CMIP: variants seen among roughly 807,000 people sequenced by gnomAD.
CMIP encodes the protein c-Maf inducing protein.
A neutral mutation model predicts 97.3 loss-of-function variants in CMIP; 13 were observed. That is an observed-to-expected ratio of 0.13 (90% CI 0.09 to 0.21). The LOEUF (loss-of-function observed/expected upper bound fraction) is 0.21. CMIP is among the 10% of genes least tolerant of loss of function. The probability of loss-of-function intolerance (pLI) is 1.00; values close to 1 mark genes in which losing one functional copy is unlikely to be tolerated. For missense variants in CMIP, 847 were observed against 1,024.9 expected, an observed-to-expected ratio of 0.83 and a Z score of 2.37; for synonymous variants, 538 against 436.3, an observed-to-expected ratio of 1.23 and a Z score of -2.91.
intron 3 of CMIP, among the ~76,000 whole-genome samples, chr16:81,629,045 A>G (rs2092115016): frequency 7.0e-6 from 1 of 143,006 alleles, no homozygotes. Flanking sequence ...CTGAAGCATG[A>G]GAATCGCTTG....
intron 1 of CMIP, among the ~76,000 whole-genome samples, chr16:81,510,074 C>A (rs927552052): frequency 4.6e-5 from 7 of 152,286 alleles, no homozygotes; most frequent in African/African-American, 1.4e-4. Context: ...TTTAATGGGG[C>A]GTTTGGCAAA....
chr16:81,664,146 GTGT>G, intron 6 of CMIP, 120 bp from the exon 7 acceptor site: 4 of 777,748 alleles, frequency 5.1e-6, no homozygotes, highest in Non-Finnish European at 8.1e-6. Context: ...CAGTGCAGCC[GTGT>G]TCATCAAGGG....
intron 1 of CMIP, among the ~76,000 whole-genome samples, chr16:81,568,725 G>A (rs2091029141): frequency 6.6e-6 from 1 of 152,206 alleles, no homozygotes; most frequent in African/African-American, 2.4e-5. Context: ...AACCACAAAG[G>A]CAAGGAGAGC....
At chr16:81,629,335 T>C (rs1376603519) in intron 3 of CMIP, among the ~76,000 whole-genome samples, 1 of 151,878 alleles carries the variant, frequency 6.6e-6, no homozygotes, top group African/African-American at 2.4e-5. Context: ...CCAAACACAC[T>C]GGTCGCTGTG....
At chr16:81,634,573 T>C (rs1398965280) in intron 3 of CMIP, among the ~76,000 whole-genome samples, 1 of 152,196 alleles carries the variant, frequency 6.6e-6, no homozygotes, top group Non-Finnish European at 1.5e-5. Flanking sequence ...GCTGAGCTTC[T>C]CTGGGTGAGT....
intron 9 of CMIP, among the ~76,000 whole-genome samples, chr16:81,675,036 G>C (rs1567653565): frequency 6.6e-6 from 1 of 152,226 alleles, no homozygotes; most frequent in Non-Finnish European, 1.5e-5. Flanking sequence ...AATTAGGATG[G>C]CCCTGGCATC....
chr16:81,445,638 C>T, intron 1 of CMIP, 97 bp downstream of exon 1: 6 of 1,353,940 alleles, frequency 4.4e-6, no homozygotes, highest in Non-Finnish European at 5.9e-6. Context: ...AGCCCAGGGC[C>T]TGGGGGGCGG....
chr16:81,476,497 G>T, intron 1 of CMIP: 1 of 718,402 alleles, frequency 1.4e-6, no homozygotes, highest in South Asian at 1.4e-5. Context: ...AGCGATGTCA[G>T]AGAACACAGT....
chr16:81,549,870 A>G (rs117907179), intron 1 of CMIP, among the ~76,000 whole-genome samples: 3,021 of 152,240 alleles, frequency 0.02, 47 homozygotes, highest in Non-Finnish European at 0.032. Flanking sequence ...GCCAGTGTGT[A>G]TGTTTGTACA....
At chr16:81,571,882 A>T (rs2091096915) in intron 1 of CMIP, among the ~76,000 whole-genome samples, 1 of 152,206 alleles carries the variant, frequency 6.6e-6, no homozygotes, top group Non-Finnish European at 1.5e-5. Context: ...TCTGTGCTTA[A>T]ATTACCTCTT....
intron 1 of CMIP, among the ~76,000 whole-genome samples, chr16:81,493,843 C>A (rs1236807452): frequency 6.6e-6 from 1 of 152,236 alleles, no homozygotes; most frequent in Non-Finnish European, 1.5e-5. Flanking sequence ...TTGCAGGTGA[C>A]CCACGTGGCT....
At position 81,652,876 on chromosome 16, in the gene CMIP, G is replaced by T. The variant is rs1216766674; in HGVS notation, c.639+512G>T. 6.6e-6 allele frequency among the ~76,000 whole-genome samples: 1 copy of T among 152,146 alleles called. No individual in the cohort carries two copies. The stretch of plus-strand genomic sequence containing the variant: ...ATGCCACCCGTCGGCTGGGCCTCCT[G>T]TGCCATCTGCTTTGCTGGCCTCCTC... On this transcript the variant is annotated intron_variant, in intron 4 of 20. Coordinates refer to ENST00000537098, the MANE Select transcript of CMIP (RefSeq NM_198390.3). The surrounding 1 kb of genome is among the most constrained non-coding windows in gnomAD (Gnocchi z 5.2).
At chr16:81,626,549 ATG>A (rs916787546) in intron 3 of CMIP, among the ~76,000 whole-genome samples, 2 of 110,622 alleles carry the variant, frequency 1.8e-5, no homozygotes, top group African/African-American at 7.2e-5. Flanking sequence ...ATGGGTGTGC[ATG>A]TGTGTGTGGT....
At chr16:81,687,321 A>C (rs930739023) in intron 10 of CMIP, among the ~76,000 whole-genome samples, 6 of 152,302 alleles carry the variant, frequency 3.9e-5, no homozygotes, top group African/African-American at 1.4e-4. Flanking sequence ...AACACCAGGG[A>C]CAGCTCTGTG....
At chr16:81,701,853 C>A (rs907020702) in intron 16 of CMIP, 53 bp downstream of exon 16, 308 of 1,604,494 alleles carry the variant, frequency 1.9e-4, no homozygotes, top group Non-Finnish European at 2.5e-4. Context: ...CCAGGGGGGG[C>A]CAGGGCGGGA....
At chr16:81,468,113 T>C (rs979748450) in intron 1 of CMIP, among the ~76,000 whole-genome samples, 10 of 152,102 alleles carry the variant, frequency 6.6e-5, no homozygotes, top group African/African-American at 2.4e-4. Flanking sequence ...AACAAGTCTT[T>C]GAAATGCACG....
chr16:81,561,861 T>TA (rs1414789284), intron 1 of CMIP, among the ~76,000 whole-genome samples: 1 of 152,214 alleles, frequency 6.6e-6, no homozygotes, highest in Non-Finnish European at 1.5e-5. Context: ...CCAGCCCAGA[T>TA]ACAGAACATT....
chr16:81,507,300 C>T (rs1415114798), intron 1 of CMIP, among the ~76,000 whole-genome samples: 5 of 152,090 alleles, frequency 3.3e-5, no homozygotes, highest in Non-Finnish European at 7.4e-5. Context: ...TTCTGGGGGT[C>T]TTGGGTACCC....
intron 1 of CMIP, among the ~76,000 whole-genome samples, chr16:81,491,664 C>T (rs960272296): frequency 2.0e-5 from 3 of 152,306 alleles, no homozygotes; most frequent in South Asian, 2.1e-4. Flanking sequence ...CCTCACTTGG[C>T]GAACTCTTGC....
Sources: gnomAD v4.1 joint callset for allele counts (sites outside exome capture counted in the v4.1 genomes callset) on GRCh38, gnomAD v4.1.1 for gene constraint, Gnocchi (gnomAD v3.1) non-coding constraint, MANE v1.5 for transcripts, NCBI Gene and HGNC (gene_info 2026-07-23, HGNC 2026-07-21) for gene names.